ANKRD30A: variants seen among roughly 807,000 people sequenced by gnomAD.
ANKRD30A encodes the protein ankyrin repeat domain-containing protein 30A.
A neutral mutation model predicts 166.3 loss-of-function variants in ANKRD30A; 170 were observed. The observed-to-expected ratio is 1.02, with a 90% CI of 0.90 to 1.16. The LOEUF (loss-of-function observed/expected upper bound fraction) is 1.16, where lower values mean the gene tolerates loss of function less well. Ranked by LOEUF, ANKRD30A falls within the 50% of genes most tolerant of loss-of-function variation. The pLI, the probability that ANKRD30A is intolerant of heterozygous loss-of-function variation, is 0.00. For missense variants in ANKRD30A, 1,630 were observed against 1,518.0 expected, an observed-to-expected ratio of 1.07 and a Z score of -1.23; for synonymous variants, 564 against 508.9, an observed-to-expected ratio of 1.11 and a Z score of -1.46.
intron 11 of ANKRD30A, among the ~76,000 whole-genome samples, chr10:37,151,733 T>G (rs911963273): frequency 6.6e-6 from 1 of 152,082 alleles, no homozygotes; most frequent in Non-Finnish European, 1.5e-5. Context: ...GATAGGTAAT[T>G]AAAGTTTTCT....
At position 37,167,326 on chromosome 10, in the gene ANKRD30A, T is replaced by C. The variant is rs74198194; in HGVS notation, c.2155+631T>C. ...TAGATGTGTGCATGTATGTATGTTT[T>C]TGATGTTCACAATTTGAATAAGATA... On this transcript the variant is annotated intron_variant, in intron 19 of 35. Coordinates refer to ENST00000361713, the MANE Select transcript of ANKRD30A (RefSeq NM_052997.3). Among the ~76,000 whole-genome samples, 3 of 146,260 alleles carry C rather than the reference T, an allele frequency of 2.1e-5. No individual in the cohort carries two copies. The East Asian group carries it at 5.9e-4, about 29-fold the overall frequency.
rs750757638 is a variant in ANKRD30A at position 37,142,150 on chromosome 10, C to T, written c.1253C>T (p.Ala418Val). 20 of 1,613,936 alleles carry T rather than the reference C, an allele frequency of 1.2e-5. No individual in the cohort carries two copies. Among genetic ancestry groups the T allele is most frequent in the South Asian group, 8.8e-5 (8 of 91,060 alleles). The change falls in exon 7 of 36, where the codon GCA becomes GTA. Residue 418 changes from alanine to valine, a missense_variant. Coordinates refer to ENST00000361713, the MANE Select transcript of ANKRD30A (RefSeq NM_052997.3). ...WAAKGRPRKI[A>V]WEKKETPVKT... is the part of the protein sequence containing the mutation. Reference sequence around the variant, plus strand: ...GCAAAAGGAAGACCTAGGAAGATCGCATGGGAGAAAAAAGAAACACCTGTA... The same window carrying T: ...GCAAAAGGAAGACCTAGGAAGATCGTATGGGAGAAAAAAGAAACACCTGTA...
the ANKRD30A span, chr10:37,248,195 C>T: frequency 3.2e-6 from 2 of 633,568 alleles, no homozygotes; most frequent in Non-Finnish European, 3.1e-6. Context: ...TCAGGTTTCC[C>T]CAGCTCTACA....
chr10:37,133,899 T>C lies in ANKRD30A; in HGVS notation c.618-17T>C. 6.2e-7 allele frequency: 1 copy of C among 1,612,886 alleles called. No individual in the cohort carries two copies. The highest frequency in any genetic ancestry group is 8.5e-7 in the Non-Finnish European group (1 of 1,179,458). On this transcript the variant is annotated splice_polypyrimidine_tract_variant and intron_variant, in intron 4 of 35. Transcript: ENST00000361713. The stretch of plus-strand genomic sequence containing the variant: ...GGTTCTGCTCATAATAATGAAGTTA[T>C]CTCTTTGTTATTTTAGCACAGCCCT...
At chr10:37,158,314 A>G (rs911021324) in intron 13 of ANKRD30A, 78 bp from the exon 14 acceptor site, 9 of 1,522,222 alleles carry the variant, frequency 5.9e-6, no homozygotes, top group Non-Finnish European at 8.1e-6. Flanking sequence ...ATTCATCTTC[A>G]TGTTCACACT....
chr10:37,219,937 A>G (rs1473396102), intron 34 of ANKRD30A, 40 bp downstream of exon 34: 1 of 1,376,454 alleles, frequency 7.3e-7, no homozygotes, highest in South Asian at 1.7e-5. Context: ...AAACTTCCTG[A>G]AAGAAAGTTT....
At chr10:37,218,763 G>A (rs1299908266) in intron 33 of ANKRD30A, among the ~76,000 whole-genome samples, 4 of 149,208 alleles carry the variant, frequency 2.7e-5, no homozygotes, top group Non-Finnish European at 6.0e-5. Context: ...CATTTCTTTT[G>A]TACTTTCATG....
At chr10:37,196,640 A>G (rs1048744265) in intron 27 of ANKRD30A, among the ~76,000 whole-genome samples, 1 of 152,166 alleles carries the variant, frequency 6.6e-6, no homozygotes, top group South Asian at 2.1e-4. Context: ...AAATATGTCA[A>G]TATTGAAAGC....
chr10:37,166,005 A>G (rs1839299654), intron 18 of ANKRD30A, among the ~76,000 whole-genome samples: 1 of 152,072 alleles, frequency 6.6e-6, no homozygotes, highest in Non-Finnish European at 1.5e-5. Flanking sequence ...TTCTTACTGC[A>G]TTTACATTCT....
chr10:37,136,136 A>T (rs1382382318), intron 5 of ANKRD30A, among the ~76,000 whole-genome samples: 1 of 152,174 alleles, frequency 6.6e-6, no homozygotes, highest in African/African-American at 2.4e-5. Context: ...TTCAGCAATT[A>T]GGTTCAAGAA....
chr10:37,194,715 G>A (rs1001972308), intron 27 of ANKRD30A, among the ~76,000 whole-genome samples: 1 of 152,028 alleles, frequency 6.6e-6, no homozygotes, highest in Non-Finnish European at 1.5e-5. Context: ...TTTGCTTATC[G>A]AATATTTTAG....
intron 6 of ANKRD30A, among the ~76,000 whole-genome samples, chr10:37,137,446 G>T (rs1413456218): frequency 1.3e-5 from 2 of 152,182 alleles, no homozygotes; most frequent in African/African-American, 4.8e-5. Context: ...CCTGGGAAGC[G>T]CAAGGGGTCA....
At chr10:37,216,502 A>C in intron 32 of ANKRD30A, 108 bp downstream of exon 32, 1 of 1,084,686 alleles carries the variant, frequency 9.2e-7, no homozygotes, top group Non-Finnish European at 1.3e-6. Flanking sequence ...TGGAGAAAAA[A>C]ATGTCTGTCT....
In ANKRD30A at chr10:37,130,383, A is replaced by T. The variant is rs757767416; in HGVS notation, c.510+5A>T. The T allele has an allele frequency of 2.1e-6, 3 of 1,436,554 alleles. No homozygotes were observed. The highest frequency in any genetic ancestry group is 2.8e-6 in the Non-Finnish European group (3 of 1,088,550). The allele number at this position is 1,436,554 out of a possible 1,614,324, so 89.0% of individuals were successfully genotyped here. ...GTCATCGAAGTGCACAACAAGGTAG[A>T]CACTAACCAATGTTATTTTCAAAAT... On this transcript the variant is annotated splice_donor_5th_base_variant and intron_variant, in intron 3 of 35. Coordinates refer to ENST00000361713, the MANE Select transcript of ANKRD30A (RefSeq NM_052997.3).
At chr10:37,160,641 CA>C (rs1213968929) in intron 15 of ANKRD30A, among the ~76,000 whole-genome samples, 1 of 151,898 alleles carries the variant, frequency 6.6e-6, no homozygotes, top group Non-Finnish European at 1.5e-5. Context: ...CAAACAAAAT[CA>C]AAATTTTGTT....
the ANKRD30A span, among the ~76,000 whole-genome samples, chr10:37,243,334 C>T: frequency 1.3e-5 from 2 of 148,704 alleles, no homozygotes; most frequent in Non-Finnish European, 1.5e-5. Context: ...TTAGTAGAGA[C>T]GGGTTTTCAC....
At position 37,219,775 on chromosome 10, in the gene ANKRD30A, C is replaced by A. The variant is rs764196454; in HGVS notation, c.4063C>A (p.His1355Asn). Reference protein sequence around the residue: ...DNKSKITIDIHFLERKMQHHL... With the variant: ...DNKSKITIDINFLERKMQHHL... ...CAAAAGCAAGATAACAATTGATATT[C>A]ATTTTCTTGAGAGGAAAATGCAACA... The change falls in exon 34 of 36, where the codon CAT becomes AAT. Residue 1355 changes from histidine (H) to asparagine (N), a missense_variant. By Grantham distance (68) the His-to-Asn change is moderately conservative. Around this residue, in one of 4 missense-constraint regions of ANKRD30A, gnomAD observed 712 missense variants for 629.3 expected, o/e 1.13. Transcript: ENST00000361713. 6.2e-7 allele frequency: 1 copy of A among 1,607,692 alleles called. No homozygotes were observed. Among genetic ancestry groups the A allele is most frequent in the South Asian group, 1.1e-5 (1 of 90,724 alleles).
intron 31 of ANKRD30A, among the ~76,000 whole-genome samples, chr10:37,210,446 T>A (rs1367959895): frequency 6.6e-6 from 1 of 152,194 alleles, no homozygotes; most frequent in Non-Finnish European, 1.5e-5. Context: ...TGTGTCTTTA[T>A]AATAGAATGA....
At chr10:37,195,647 C>A (rs1211138637) in intron 27 of ANKRD30A, among the ~76,000 whole-genome samples, 1 of 152,158 alleles carries the variant, frequency 6.6e-6, no homozygotes, top group Non-Finnish European at 1.5e-5. Flanking sequence ...GTAATGCCAG[C>A]ACGTTGGGAG....
Sources: allele counts gnomAD v4.1 joint callset (sites outside exome capture counted in the v4.1 genomes callset), GRCh38; gene constraint gnomAD v4.1.1; regional missense constraint gnomAD v4.1.1; transcripts MANE v1.5; gene names NCBI Gene and HGNC (gene_info 2026-07-23, HGNC 2026-07-21).